The following CNTN5 variants were observed in gnomAD, a reference collection of about 807,000 sequenced individuals.
CNTN5 encodes the protein contactin 5, also known as contactin-5.
In CNTN5, 77 loss-of-function variants were observed where a neutral mutation model predicts 129.1. That is an observed-to-expected ratio of 0.60 (90% CI 0.50 to 0.72). The LOEUF (loss-of-function observed/expected upper bound fraction) is 0.72. Ranked by LOEUF, CNTN5 falls within the 30% of genes least tolerant of loss-of-function variation. CNTN5 has a pLI of 0.00. For synonymous variants in CNTN5, 509 were observed against 465.6 expected (o/e 1.09, Z -1.20); for missense variants, 1,478 against 1,328.8 (o/e 1.11, Z -1.75).
At chr11:99,395,299 G>A (rs968262310) in intron 2 of CNTN5, among the ~76,000 whole-genome samples, 1 of 151,882 alleles carries the variant, frequency 6.6e-6, no homozygotes, top group African/African-American at 2.4e-5. Flanking sequence ...CGGTGGTGTC[G>A]AGCTTTTTTT....
chr11:99,672,017 T>G (rs1164840347), intron 3 of CNTN5, among the ~76,000 whole-genome samples: 2 of 152,208 alleles, frequency 1.3e-5, no homozygotes, highest in Admixed American at 1.3e-4. Flanking sequence ...TGTCATCATC[T>G]CCTTTCCTGC....
chr11:100,281,238 T>C (rs897597423), intron 18 of CNTN5, among the ~76,000 whole-genome samples: 25 of 152,198 alleles, frequency 1.6e-4, no homozygotes, highest in African/African-American at 5.8e-4. Flanking sequence ...TTCTTTCTGA[T>C]TGAAGTATTC....
intron 2 of CNTN5, among the ~76,000 whole-genome samples, chr11:99,407,436 C>T (rs1300041768): frequency 1.5e-5 from 1 of 64,784 alleles, no homozygotes; most frequent in African/African-American, 1.3e-4. Context: ...AGATGCAAGG[C>T]AAAGTCCTTC....
At chr11:100,246,100 G>A (rs1463518948) in intron 16 of CNTN5, among the ~76,000 whole-genome samples, 1 of 151,914 alleles carries the variant, frequency 6.6e-6, no homozygotes, top group Non-Finnish European at 1.5e-5. Context: ...AATCAAATGT[G>A]ATACATGCGT....
chr11:100,063,706 T>TAAAA (rs35896237), intron 10 of CNTN5, among the ~76,000 whole-genome samples: 4 of 115,284 alleles, frequency 3.5e-5, no homozygotes, highest in Non-Finnish European at 3.5e-5. Flanking sequence ...AACCTGTCTC[T>TAAAA]AAAAAAAAAA....
chr11:99,510,045 T>A (rs899727212), intron 2 of CNTN5, among the ~76,000 whole-genome samples: 1 of 151,648 alleles, frequency 6.6e-6, no homozygotes, highest in Non-Finnish European at 1.5e-5. Context: ...TTGTTTCTAT[T>A]ATGGGGCTTA....
intron 1 of CNTN5, among the ~76,000 whole-genome samples, chr11:99,168,733 AC>A (rs1244826685): frequency 1.3e-5 from 2 of 152,218 alleles, no homozygotes; most frequent in Non-Finnish European, 2.9e-5. Flanking sequence ...TGGTAATCAA[AC>A]AAACATTAAG....
rs574490560 is a variant in CNTN5, at chr11:100,182,184, G to T, written c.1581-8942G>T. ...ATGCCAATTGATTTTTAACAGTGAT[G>T]TAAAGCCTGTGGGAAAATACAGTGT... On this transcript the variant is annotated intron_variant, in intron 13 of 24. Coordinates refer to ENST00000524871, the MANE Select transcript of CNTN5 (RefSeq NM_014361.4). Among the ~76,000 whole-genome samples the T allele has an allele frequency of 9.9e-5, 15 of 152,196 alleles. No individual in the cohort carries two copies. The East Asian group carries it at 2.9e-3, about 29-fold the overall frequency.
In CNTN5 at chr11:99,688,908, C is replaced by A. The variant is rs184041950; in HGVS notation, c.56-130636C>A. Among the ~76,000 whole-genome samples, 91 of 152,244 alleles carry A rather than the reference C, an allele frequency of 6.0e-4. No individual in the cohort carries two copies. The East Asian group carries it at 0.017, about 28-fold the overall frequency. Reference sequence around the variant, plus strand: ...TTGCTAAGGATAATTGCCTACATTTCAATCCATGTCCCCGCAAACAACATG... The same window carrying A: ...TTGCTAAGGATAATTGCCTACATTTAAATCCATGTCCCCGCAAACAACATG... On this transcript the variant is annotated intron_variant, in intron 3 of 24. Transcript: ENST00000524871.
rs570701905 is a variant in CNTN5 at position 99,199,334 on chromosome 11, C to G, written c.-209-126012C>G. Among the ~76,000 whole-genome samples, 25 of 152,256 alleles carry G rather than the reference C, an allele frequency of 1.6e-4. 1 individual carries two copies. Among genetic ancestry groups the G allele is most frequent in the African/African-American group, 5.8e-4 (24 of 41,558 alleles). On this transcript the variant is annotated intron_variant, in intron 1 of 24. Coordinates refer to ENST00000524871, the MANE Select transcript of CNTN5 (RefSeq NM_014361.4). ...AAGAAAAAACATGAAGTGAACCTTG[C>G]AGACCAAGTGGCCATTTAGTTTTGA...
chr11:99,623,013 T>C (rs1251449834), intron 3 of CNTN5, among the ~76,000 whole-genome samples: 1 of 152,160 alleles, frequency 6.6e-6, no homozygotes, highest in Non-Finnish European at 1.5e-5. Context: ...GGGCTTCTCT[T>C]ACTCTTGAAA....
At chr11:100,025,060 G>C (rs1189909125) in intron 9 of CNTN5, among the ~76,000 whole-genome samples, 1 of 152,192 alleles carries the variant, frequency 6.6e-6, no homozygotes, top group Non-Finnish European at 1.5e-5. Flanking sequence ...GGGCATGTCA[G>C]AGGTCTTCAC....
At chr11:99,335,279 T>G (rs550525920) in intron 2 of CNTN5, among the ~76,000 whole-genome samples, 105 of 152,150 alleles carry the variant, frequency 6.9e-4, no homozygotes, top group South Asian at 1.4e-3. Context: ...AAAGTCTCTG[T>G]TTTTTAGCCA....
intron 8 of CNTN5, among the ~76,000 whole-genome samples, chr11:99,996,119 T>A (rs1801413648): frequency 6.6e-6 from 1 of 152,202 alleles, no homozygotes. Context: ...CAAATTATAG[T>A]GTTATTATTG....
At chr11:100,122,321 TGAGA>T (rs1591281446) in intron 13 of CNTN5, among the ~76,000 whole-genome samples, 2 of 151,954 alleles carry the variant, frequency 1.3e-5, no homozygotes, top group East Asian at 1.9e-4. Flanking sequence ...GCAGAGAGAT[TGAGA>T]GAGAGAGGCC....
intron 7 of CNTN5, among the ~76,000 whole-genome samples, chr11:99,932,235 C>G (rs1048193665): frequency 1.3e-5 from 2 of 152,048 alleles, no homozygotes; most frequent in Non-Finnish European, 2.9e-5. Flanking sequence ...GTTGTCAGCC[C>G]GGGCTGGAGT....
At chr11:100,033,128 C>T (rs1941808870) in intron 9 of CNTN5, among the ~76,000 whole-genome samples, 1 of 152,096 alleles carries the variant, frequency 6.6e-6, no homozygotes, top group African/African-American at 2.4e-5. Flanking sequence ...CCACTTTTGA[C>T]AGAATATAGA....
chr11:99,141,280 C>A (rs1011081545), intron 1 of CNTN5, among the ~76,000 whole-genome samples: 1 of 151,742 alleles, frequency 6.6e-6, no homozygotes, highest in African/African-American at 2.4e-5. Context: ...AGTTTGTGTG[C>A]ATTGAAATGT....
chr11:99,133,627 A>AAAAAAAAAAAG (rs1348970207), intron 1 of CNTN5, among the ~76,000 whole-genome samples: 3 of 68,732 alleles, frequency 4.4e-5, no homozygotes, highest in African/African-American at 1.6e-4. Flanking sequence ...AGAAAAAAAA[A>AAAAAAAAAAAG]AGACCATACA....
Sources: allele counts gnomAD v4.1 joint callset (sites outside exome capture counted in the v4.1 genomes callset), GRCh38; gene constraint gnomAD v4.1.1; transcripts MANE v1.5; gene names NCBI Gene and HGNC (gene_info 2026-07-23, HGNC 2026-07-21).